The following SERINC2 variants were observed in gnomAD, a reference collection of about 807,000 sequenced individuals.
SERINC2 encodes tumor differentially expressed protein 2.
A neutral mutation model predicts 54.2 loss-of-function variants in SERINC2; 56 were observed. The ratio of observed to expected loss-of-function variants is 1.03; its 90% CI spans 0.83 to 1.29. The LOEUF is 1.29. Ranked by LOEUF, SERINC2 falls within the 50% of genes most tolerant of loss-of-function variation. The pLI, the probability that SERINC2 is intolerant of heterozygous loss-of-function variation, is 0.00. For missense variants in SERINC2, 614 were observed against 607.4 expected, an observed-to-expected ratio of 1.01 and a Z score of -0.12; for synonymous variants, 272 against 253.1, an observed-to-expected ratio of 1.07 and a Z score of -0.71.
Position 31,423,675 on chromosome 1 carries a change from G to A in SERINC2, c.40-18G>A, listed in dbSNP as rs1553133010. 1.0e-5 allele frequency: 16 copies of A among 1,602,804 alleles called. No individual in the cohort carries two copies. The highest frequency in any genetic ancestry group is 1.3e-5 in the African/African-American group (1 of 75,022). ...GGCGGTGAAGGGGAGAGGGAAGAGT[G>A]ACAGTGCCCTCCCGCAGGCGTCCTG... On this transcript the variant is annotated intron_variant, in intron 1 of 9. Coordinates refer to ENST00000373709, the MANE Select transcript of SERINC2 (RefSeq NM_178865.5).
chr1:31,426,849 C>T, intron 6 of SERINC2, 26 bp downstream of exon 6: 15 of 1,606,180 alleles, frequency 9.3e-6, no homozygotes, highest in Non-Finnish European at 1.3e-5. Context: ...CCCCCCTGGC[C>T]TGAAGCCCGG....
At chr1:31,417,985 T>C (rs868917707) in intron 1 of SERINC2, among the ~76,000 whole-genome samples, 1 of 150,624 alleles carries the variant, frequency 6.6e-6, no homozygotes, top group African/African-American at 2.5e-5. Flanking sequence ...GCCTCCCGCG[T>C]AGCTGGGACT....
intron 8 of SERINC2, among the ~76,000 whole-genome samples, chr1:31,431,870 GGGTGGACAGGGTGGAC>G: frequency 2.0e-5 from 3 of 148,138 alleles, no homozygotes; most frequent in East Asian, 2.0e-4. Context: ...AGGGTGGATA[GGGTGGACAGGGTGGAC>G]AGGGTGGATA....
At chr1:31,419,124 G>A (rs1051374788) in intron 1 of SERINC2, among the ~76,000 whole-genome samples, 1 of 152,220 alleles carries the variant, frequency 6.6e-6, no homozygotes, top group Non-Finnish European at 1.5e-5. Flanking sequence ...TCTGCAGGAA[G>A]AGGGGAGTGG....
intron 1 of SERINC2, 27 bp from the exon 2 acceptor site, chr1:31,423,666 G>A: frequency 1.2e-6 from 2 of 1,600,264 alleles, no homozygotes; most frequent in Admixed American, 1.7e-5. Flanking sequence ...GAAGGGGAGA[G>A]GGAAGAGTGA....
At chr1:31,414,421 T>TGTGTGTGGGTGTGTGTGTGTG in intron 1 of SERINC2, 2 of 261,530 alleles carry the variant, frequency 7.6e-6, no homozygotes, top group South Asian at 3.8e-4. Context: ...CCCTGACGGG[T>TGTGTGTGGGTGTGTGTGTGTG]TGTGTGTGTG....
At chr1:31,432,158 GGGTGGATAGGGTGGATAGGGTGGAT>G (rs1641302856) in intron 8 of SERINC2, among the ~76,000 whole-genome samples, 1 of 138,036 alleles carries the variant, frequency 7.2e-6, no homozygotes, top group African/African-American at 2.8e-5. Flanking sequence ...AGGGTGGACA[GGGTGGATAGGGTGGATAGGGTGGAT>G]AGGGTGGTTA....
At chr1:31,410,461 G>C, upstream of SERINC2, 2 of 1,549,974 alleles carry the variant, frequency 1.3e-6, no homozygotes, top group Non-Finnish European at 1.7e-6. Context: ...CATGCTGGGC[G>C]TGTGAGAGCC....
chr1:31,424,569 TG>T (rs2148518551), intron 2 of SERINC2, 113 bp from the exon 3 acceptor site: 1 of 842,834 alleles, frequency 1.2e-6, no homozygotes, highest in Admixed American at 3.0e-5. Flanking sequence ...CAGCCCCTGC[TG>T]GGAGAGCCTC....
chr1:31,410,484 G>T, upstream of SERINC2: 1 of 1,547,742 alleles, frequency 6.5e-7, no homozygotes, highest in Non-Finnish European at 8.7e-7. Context: ...GCCGGCCTTG[G>T]TCTTGGGCAG....
intron 9 of SERINC2, among the ~76,000 whole-genome samples, chr1:31,433,447 G>A (rs1641382030): frequency 6.6e-6 from 1 of 152,168 alleles, no homozygotes; most frequent in Non-Finnish European, 1.5e-5. Flanking sequence ...GTACAGGGCA[G>A]GCGGGGTTTA....
intron 1 of SERINC2, among the ~76,000 whole-genome samples, chr1:31,418,029 T>C (rs1254047699): frequency 6.6e-6 from 1 of 151,886 alleles, no homozygotes; most frequent in East Asian, 1.9e-4. Context: ...GCTAATTTTT[T>C]TGTATTTTTA....
intron 8 of SERINC2, among the ~76,000 whole-genome samples, 197 bp from the exon 9 acceptor site, chr1:31,432,770 A>G (rs1345876827): frequency 3.9e-4 from 60 of 152,240 alleles, no homozygotes; most frequent in Non-Finnish European, 3.2e-4. Flanking sequence ...AGAGGCTCAG[A>G]GAGGTTAAGT....
chr1:31,428,935 G>A (rs1553133984), intron 6 of SERINC2, 43 bp from the exon 7 acceptor site: 4 of 1,538,902 alleles, frequency 2.6e-6, no homozygotes, highest in Non-Finnish European at 3.6e-6. Flanking sequence ...GGGGTGGGGT[G>A]TCTCTGGTCT....
At chr1:31,416,283 A>C (rs1451816326) in intron 1 of SERINC2, among the ~76,000 whole-genome samples, 1 of 152,212 alleles carries the variant, frequency 6.6e-6, no homozygotes, top group Non-Finnish European at 1.5e-5. Flanking sequence ...TCAAGACTAC[A>C]TGCAAGGAAG....
At position 31,425,359 on chromosome 1, in the gene SERINC2, T is replaced by C; in HGVS notation, c.422T>C (p.Val141Ala). 1 of 1,613,368 alleles carries C rather than the reference T, an allele frequency of 6.2e-7. No homozygotes were observed. The highest frequency in any genetic ancestry group is 8.5e-7 in the Non-Finnish European group (1 of 1,179,248). Residue 141 changes from valine (V) to alanine (A), a missense_variant, in exon 4 of 10, where the codon GTG becomes GCG. Coordinates refer to ENST00000373709, the MANE Select transcript of SERINC2 (RefSeq NM_178865.5). ...GFWFFKFLILVGLTVGAFYIP... is the reference protein window; with the variant it reads ...GFWFFKFLILAGLTVGAFYIP... The stretch of plus-strand genomic sequence containing the variant: ...TGGTTCTTTAAGTTCCTGATCCTGG[T>C]GGGCCTCACCGTGGGTGCCTTCTAC...
At position 31,425,218 on chromosome 1, in the gene SERINC2, C is replaced by T. The variant is rs1418171550; in HGVS notation, c.393-112C>T. 4.8e-6 allele frequency: 4 copies of T among 832,838 alleles called. No homozygotes were observed. The African/African-American group carries it at 6.6e-5, about 14-fold the overall frequency. 51.6% of individuals were successfully genotyped at this position (832,838 alleles called of 1,614,324 possible). ...GACCACCAGAAAGCCCACCCTCACC[C>T]CTCTCAGCACCTGCTGTTTGTGGGT... On this transcript the variant is annotated intron_variant, in intron 3 of 9. Coordinates refer to ENST00000373709, the MANE Select transcript of SERINC2 (RefSeq NM_178865.5).
chr1:31,433,285 A>G, intron 9 of SERINC2, 100 bp downstream of exon 9: 1 of 1,020,684 alleles, frequency 9.8e-7, no homozygotes. Flanking sequence ...ATGTCTGCTT[A>G]AGGCTTGGGG....
chr1:31,418,841 C>T (rs1007528583), intron 1 of SERINC2, among the ~76,000 whole-genome samples: 1 of 152,180 alleles, frequency 6.6e-6, no homozygotes, highest in Non-Finnish European at 1.5e-5. Flanking sequence ...CCAAACGACT[C>T]ATGGCTCCAG....
Sources: gnomAD v4.1 joint callset for allele counts (sites outside exome capture counted in the v4.1 genomes callset) on GRCh38, gnomAD v4.1.1 for gene constraint, MANE v1.5 for transcripts, NCBI Gene and HGNC (gene_info 2026-07-23, HGNC 2026-07-21) for gene names.